The following ARHGEF11 variants were observed in gnomAD, a reference collection of about 807,000 sequenced individuals.
The protein encoded by ARHGEF11 is Rho guanine exchange factor (GEF) 11.
A neutral mutation model predicts 193.7 loss-of-function variants in ARHGEF11; 55 were observed. The ratio of observed to expected loss-of-function variants is 0.28; its 90% CI spans 0.23 to 0.36. ARHGEF11 has a LOEUF of 0.36. ARHGEF11 is among the 10% of genes least tolerant of loss of function. The probability of loss-of-function intolerance (pLI) is 1.00; values close to 1 mark genes in which losing one functional copy is unlikely to be tolerated. For synonymous variants in ARHGEF11, 693 were observed against 768.0 expected (o/e 0.90, Z 1.62); for missense variants, 1,723 against 2,005.6 (o/e 0.86, Z 2.69).
chr1:156,951,736 C>A (rs1219718306), intron 21 of ARHGEF11, 37 bp from the exon 22 acceptor site: 77 of 1,612,432 alleles, frequency 4.8e-5, no homozygotes, highest in Non-Finnish European at 6.4e-5. Flanking sequence ...ACTAGGCTTG[C>A]TGTTCAGGGA....
At chr1:156,937,201 G>A (rs748684035) in intron 39 of ARHGEF11, 48 bp downstream of exon 39, 8 of 1,611,146 alleles carry the variant, frequency 5.0e-6, no homozygotes, top group Non-Finnish European at 6.8e-6. Flanking sequence ...AATGGTTTTG[G>A]GGTGATGGAC....
chr1:157,011,788 T>G (rs1372750909), intron 1 of ARHGEF11, among the ~76,000 whole-genome samples: 1 of 152,206 alleles, frequency 6.6e-6, no homozygotes, highest in Non-Finnish European at 1.5e-5. Flanking sequence ...GATACCATTT[T>G]ACATCTACTA....
rs750412401 is a variant in ARHGEF11 at position 156,934,848 on chromosome 1, A to T, written c.*1152T>A. ...AACACACACACCACCACTGAAGGATATTTAACTTTTCTTAAAAAAAAAATC... is the reference window on the plus strand; with the variant it reads ...AACACACACACCACCACTGAAGGATTTTTAACTTTTCTTAAAAAAAAAATC... On this transcript the variant is annotated 3_prime_UTR_variant, in exon 41 of 41. Coordinates refer to ENST00000368194, the MANE Select transcript of ARHGEF11 (RefSeq NM_198236.3). The T allele has an allele frequency of 5.3e-5, 8 of 151,588 alleles. No homozygotes were observed. Among genetic ancestry groups the T allele is most frequent in the African/African-American group, 1.9e-4 (8 of 41,264 alleles). The allele number at this position is 151,588 out of a possible 1,614,324, so 9.4% of individuals were successfully genotyped here.
intron 1 of ARHGEF11, among the ~76,000 whole-genome samples, chr1:157,002,060 G>A (rs1013062180): frequency 1.3e-5 from 2 of 152,172 alleles, no homozygotes; most frequent in African/African-American, 2.4e-5. Context: ...AAGCGGGGCG[G>A]TGAAATGATG....
Position 156,936,074 on chromosome 1 carries a change from G to A in ARHGEF11, c.4631-16C>T. ...GCGTCAGAGCCTGTGGGAGGAGGATGAAGGTGAGGAACTGGCCAGCCTGAG... is the reference window on the plus strand; with the variant it reads ...GCGTCAGAGCCTGTGGGAGGAGGATAAAGGTGAGGAACTGGCCAGCCTGAG... On this transcript the variant is annotated splice_polypyrimidine_tract_variant and intron_variant, in intron 40 of 40. Transcript: ENST00000368194. 1 of 1,613,994 alleles carries A rather than the reference G, an allele frequency of 6.2e-7. No homozygotes were observed. Among genetic ancestry groups the A allele is most frequent in the Non-Finnish European group, 8.5e-7 (1 of 1,179,886 alleles).
intron 1 of ARHGEF11, among the ~76,000 whole-genome samples, chr1:156,993,356 AATAT>A (rs772730047): frequency 4.6e-5 from 7 of 152,224 alleles, no homozygotes; most frequent in Non-Finnish European, 1.0e-4. Context: ...ACACACATAT[AATAT>A]ATACATATAT....
intron 1 of ARHGEF11, among the ~76,000 whole-genome samples, chr1:157,034,115 C>T (rs1671622650): frequency 6.6e-6 from 1 of 152,158 alleles, no homozygotes; most frequent in South Asian, 2.1e-4. Context: ...CACTGAAATC[C>T]TAGTGGTATT....
At chr1:157,046,020 C>G (rs1434791677), upstream of ARHGEF11, among the ~76,000 whole-genome samples, 3 of 151,184 alleles carry the variant, frequency 2.0e-5, no homozygotes, top group Admixed American at 6.6e-5. Context: ...CGACTCCCGC[C>G]GACCGGCCCG....
At chr1:157,042,468 A>G (rs1672878234) in intron 1 of ARHGEF11, among the ~76,000 whole-genome samples, 1 of 152,166 alleles carries the variant, frequency 6.6e-6, no homozygotes, top group African/African-American at 2.4e-5. Flanking sequence ...TGAGTCTTTG[A>G]GTCCAGATTC....
chr1:156,961,603 T>C (rs1660864184), intron 14 of ARHGEF11, 74 bp downstream of exon 14: 2 of 1,317,928 alleles, frequency 1.5e-6, no homozygotes, highest in East Asian at 2.3e-5. Context: ...CCTGGATGTT[T>C]TGCTTAATTT....
intron 1 of ARHGEF11, among the ~76,000 whole-genome samples, chr1:157,024,752 C>T (rs1670439523): frequency 6.6e-6 from 1 of 150,908 alleles, no homozygotes; most frequent in South Asian, 2.1e-4. Flanking sequence ...AAAACAGAAA[C>T]CTATCTTTTT....
chr1:156,939,755 G>T lies in ARHGEF11; in HGVS notation c.3889C>A (p.Pro1297Thr), dbSNP rs757766993. The T allele has an allele frequency of 5.6e-6, 9 of 1,614,022 alleles. No homozygotes were observed. The Admixed American group carries it at 1.2e-4, about 21-fold the overall frequency. ...GTGTTGTCCCCTTCACCCCCAGGGG[G>T]TGCTTGCCCTGGGGAGCCTGGGTCC... is the stretch of plus-strand genomic sequence containing the variant. Reference protein sequence around the residue: ...PWDPGSPGQAPPGGEGDNTQL... With the variant: ...PWDPGSPGQATPGGEGDNTQL... The change falls in exon 37 of 41, where the codon CCC becomes ACC. Residue 1297 changes from proline to threonine, a missense_variant. Pro to Thr is a conservative substitution (Grantham distance 38, BLOSUM62 -1). This residue lies in a region of ARHGEF11 where 360 missense variants were observed against 344.4 expected (regional missense o/e 1.05). Coordinates refer to ENST00000368194, the MANE Select transcript of ARHGEF11 (RefSeq NM_198236.3).
chr1:156,946,825 C>G, intron 27 of ARHGEF11, 38 bp from the exon 28 acceptor site: 1 of 1,610,014 alleles, frequency 6.2e-7, no homozygotes, highest in Non-Finnish European at 8.5e-7. Flanking sequence ...AGGCATCAAA[C>G]CCCTGCCTGG....
chr1:156,967,927 A>G (rs1557875481), intron 11 of ARHGEF11, 60 bp downstream of exon 11: 1 of 1,611,224 alleles, frequency 6.2e-7, no homozygotes. Context: ...GGTAACACCC[A>G]TGCCTCCAAA....
At position 156,980,846 on chromosome 1, in the gene ARHGEF11, GGAA is replaced by G. The variant is rs201355313; in HGVS notation, c.224-363_224-361del. On this transcript the variant is annotated intron_variant, in intron 3 of 40. Coordinates refer to ENST00000368194, the MANE Select transcript of ARHGEF11 (RefSeq NM_198236.3). ...TCAGTTATATTCCGGGGGGGGGGGG[GGAA>G]ATGAGTTTACTGTATGAAACATAAT... Among the ~76,000 whole-genome samples, 190 of 75,532 alleles carry G rather than the reference GGAA, an allele frequency of 2.5e-3. 6 individuals carry two copies. Among genetic ancestry groups the G allele is most frequent in the East Asian group, 2.8e-3 (6 of 2,130 alleles). 49.6% of individuals were successfully genotyped at this position (75,532 alleles called of 152,430 possible).
chr1:156,978,396 G>T lies in ARHGEF11; in HGVS notation c.332-14C>A. On this transcript the variant is annotated splice_polypyrimidine_tract_variant and intron_variant, in intron 5 of 40. Transcript: ENST00000368194. ...CATAGGCGCCAGCTAGAGGGAAACAGAGAGAGACTTGTTCCAGGAGTGCTG... is the reference window on the plus strand; with the variant it reads ...CATAGGCGCCAGCTAGAGGGAAACATAGAGAGACTTGTTCCAGGAGTGCTG... 6.3e-7 allele frequency: 1 copy of T among 1,576,272 alleles called. No individual in the cohort carries two copies. Among genetic ancestry groups the T allele is most frequent in the Non-Finnish European group, 8.6e-7 (1 of 1,162,590 alleles).
At chr1:157,012,781 T>C (rs1474763649) in intron 1 of ARHGEF11, among the ~76,000 whole-genome samples, 1 of 152,202 alleles carries the variant, frequency 6.6e-6, no homozygotes, top group African/African-American at 2.4e-5. Flanking sequence ...TTGAAAAACA[T>C]TTAGAACAGT....
chr1:157,032,680 A>G (rs1671447424), intron 1 of ARHGEF11, among the ~76,000 whole-genome samples: 1 of 151,976 alleles, frequency 6.6e-6, no homozygotes, highest in South Asian at 2.1e-4. Flanking sequence ...TGACTAGACT[A>G]TGTCCATCAC....
chr1:157,001,457 C>T (rs1400231450), intron 1 of ARHGEF11, among the ~76,000 whole-genome samples: 1 of 152,208 alleles, frequency 6.6e-6, no homozygotes, highest in Non-Finnish European at 1.5e-5. Flanking sequence ...CTGTTGTTTA[C>T]TCCATTCCCT....
Sources: gnomAD v4.1 joint callset for allele counts (sites outside exome capture counted in the v4.1 genomes callset) on GRCh38, gnomAD v4.1.1 for gene constraint, gnomAD v4.1.1 regional missense constraint, MANE v1.5 for transcripts, NCBI Gene and HGNC (gene_info 2026-07-23, HGNC 2026-07-21) for gene names.